Variants in COL4A4 observed in about 807,000 individuals in gnomAD.
COL4A4 encodes the protein collagen type IV alpha 4 chain.
Under a neutral mutation model 192.9 loss-of-function variants are expected in COL4A4, and 105 were observed. The ratio of observed to expected loss-of-function variants is 0.54; its 90% confidence interval spans 0.46 to 0.64. The LOEUF (loss-of-function observed/expected upper bound fraction) is 0.64. Ranked by LOEUF, COL4A4 falls within the 30% of genes least tolerant of loss-of-function variation. The pLI, the probability that COL4A4 is intolerant of heterozygous loss-of-function variation, is 0.00. For synonymous variants in COL4A4, 762 were observed against 769.9 expected (o/e 0.99, Z 0.17); for missense variants, 1,967 against 2,169.3 (o/e 0.91, Z 1.85).
chr2:227,119,811 A>T, intron 6 of COL4A4, 84 bp downstream of exon 6: 1 of 671,312 alleles, frequency 1.5e-6, no homozygotes, highest in Non-Finnish European at 2.3e-6. Context: ...TATATATTTT[A>T]TGTATATATA....
At chr2:227,024,923 T>C (rs1037212149) in intron 43 of COL4A4, among the ~76,000 whole-genome samples, 3 of 152,232 alleles carry the variant, frequency 2.0e-5, no homozygotes, top group East Asian at 1.9e-4. Flanking sequence ...ATTTAGAATT[T>C]TGATGCTCTC....
chr2:227,089,984 G>A (rs758442901), intron 20 of COL4A4, 27 bp from the exon 21 acceptor site: 69 of 1,569,172 alleles, frequency 4.4e-5, no homozygotes, highest in Non-Finnish European at 6.0e-5. Flanking sequence ...GGGGTGGGCA[G>A]AGAGAATCAC....
At chr2:227,107,267 G>A (rs966574984) in intron 12 of COL4A4, among the ~76,000 whole-genome samples, 2 of 152,106 alleles carry the variant, frequency 1.3e-5, no homozygotes, top group African/African-American at 2.4e-5. Flanking sequence ...ACAATTGGAG[G>A]GACGGGATGC....
chr2:227,052,455 C>A (rs769720196), intron 31 of COL4A4, 43 bp from the exon 32 acceptor site: 1 of 1,123,762 alleles, frequency 8.9e-7, no homozygotes, highest in East Asian at 2.3e-5. Context: ...ACAGGAACAT[C>A]ACACACATAA....
the COL4A4 span, among the ~76,000 whole-genome samples, chr2:226,990,987 C>CT: frequency 6.6e-6 from 1 of 152,214 alleles, no homozygotes; most frequent in Non-Finnish European, 1.5e-5. Flanking sequence ...CACTCCAGCT[C>CT]TGTCAGTCAC....
intron 40 of COL4A4, among the ~76,000 whole-genome samples, 188 bp downstream of exon 40, chr2:227,031,757 G>A (rs2149974889): frequency 6.6e-6 from 1 of 152,268 alleles, no homozygotes; most frequent in Non-Finnish European, 1.5e-5. Flanking sequence ...CCTGGTCCTG[G>A]ATATGGTCCT....
intron 41 of COL4A4, among the ~76,000 whole-genome samples, chr2:227,029,622 A>G (rs1967813060): frequency 6.6e-6 from 1 of 152,134 alleles, no homozygotes; most frequent in South Asian, 2.1e-4. Context: ...TGCTTTTCTG[A>G]TATCCAGCTT....
In COL4A4 at chr2:227,109,247, A is replaced by G; in HGVS notation, c.634T>C (p.Tyr212His). 6.2e-7 allele frequency: 1 copy of G among 1,614,174 alleles called. No homozygotes were observed. The highest frequency in any genetic ancestry group is 8.5e-7 in the Non-Finnish European group (1 of 1,179,992). The stretch of plus-strand genomic sequence containing the variant: ...ACCACTAACCCTGGCTCTCCAGGAT[A>G]TCCTGTGGGACCTGCCGGTCCTCCT... Reference protein sequence around the residue: ...GAGGPAGPTGYPGEPGLVGPP... With the variant: ...GAGGPAGPTGHPGEPGLVGPP... The change falls in exon 10 of 48, where the codon TAT becomes CAT. Residue 212 changes from tyrosine to histidine, a missense_variant. By Grantham distance (83) the Tyr-to-His change is moderately conservative. Coordinates refer to ENST00000396625, the MANE Select transcript of COL4A4 (RefSeq NM_000092.5).
chr2:227,022,218 G>A (rs1487222401), intron 43 of COL4A4, 45 bp from the exon 44 acceptor site: 1 of 1,612,858 alleles, frequency 6.2e-7, no homozygotes, highest in African/African-American at 1.3e-5. Context: ...ACGTGCTTAT[G>A]AACAAGCTCC....
chr2:227,101,809 T>C (rs2060539634), intron 16 of COL4A4, 56 bp downstream of exon 16: 1 of 1,347,170 alleles, frequency 7.4e-7, no homozygotes, highest in Non-Finnish European at 1.0e-6. Context: ...TGAATTATAC[T>C]AAATTGCATT....
intron 4 of COL4A4, among the ~76,000 whole-genome samples, chr2:227,136,713 T>C (rs2062836706): frequency 6.6e-6 from 1 of 152,204 alleles, no homozygotes; most frequent in Non-Finnish European, 1.5e-5. Context: ...GCTTTAGACA[T>C]AGCAGTTTTG....
Position 227,065,685 on chromosome 2 carries a change from TAACA to T in COL4A4, c.1988-3091_1988-3088del, listed in dbSNP as rs1259270129. Among the ~76,000 whole-genome samples, 3 of 150,768 alleles carry T rather than the reference TAACA, an allele frequency of 2.0e-5. No homozygotes were observed. In the East Asian group the frequency reaches 6.0e-4, roughly 30 times the overall value. On this transcript the variant is annotated intron_variant, in intron 25 of 47. Transcript: ENST00000396625. ...CTGAGGGTACTGTTAGAAGGAAAACTAACAAACAGAAAGGACATCTACACCAAAA... is the reference window on the plus strand; with the variant it reads ...CTGAGGGTACTGTTAGAAGGAAAACTAACAGAAAGGACATCTACACCAAAA...
intron 3 of COL4A4, among the ~76,000 whole-genome samples, chr2:227,143,740 A>G (rs1370603311): frequency 1.3e-5 from 2 of 152,214 alleles, no homozygotes; most frequent in African/African-American, 2.4e-5. Context: ...ATACTCTCAA[A>G]TGCATGTCAA....
At chr2:227,139,411 A>C (rs570592558) in intron 4 of COL4A4, among the ~76,000 whole-genome samples, 2 of 152,232 alleles carry the variant, frequency 1.3e-5, no homozygotes, top group Non-Finnish European at 2.9e-5. Context: ...GTTTGATCTA[A>C]TACTTTATCA....
chr2:227,055,628 G>C (rs888643944), intron 30 of COL4A4, among the ~76,000 whole-genome samples: 1 of 152,162 alleles, frequency 6.6e-6, no homozygotes, highest in East Asian at 1.9e-4. Flanking sequence ...CCTAACAGGG[G>C]GTAGGGATGA....
At chr2:227,099,565 C>A (rs1319544165) in intron 18 of COL4A4, 55 bp downstream of exon 18, 1 of 1,517,682 alleles carries the variant, frequency 6.6e-7, no homozygotes, top group African/African-American at 1.4e-5. Context: ...TCTGTCCTGG[C>A]CACTCAACTC....
intron 12 of COL4A4, among the ~76,000 whole-genome samples, chr2:227,107,901 GCA>G (rs2060950821): frequency 6.6e-6 from 1 of 151,856 alleles, no homozygotes; most frequent in Non-Finnish European, 1.5e-5. Context: ...GGGACTACAG[GCA>G]CGCACCACCA....
Position 227,006,546 on chromosome 2 carries a change from G to T in COL4A4, c.*779C>A, listed in dbSNP as rs1240235212. On this transcript the variant is annotated 3_prime_UTR_variant, in exon 48 of 48. Transcript: ENST00000396625. ...GCTTTTAGGCTCCTAATCTCTTATT[G>T]AATATTTTTTTTCCATAATTGCTAC... 8.6e-6 allele frequency: 1 copy of T among 115,696 alleles called. No individual in the cohort carries two copies. Among genetic ancestry groups the T allele is most frequent in the Non-Finnish European group, 1.8e-5 (1 of 56,772 alleles). The allele number at this position is 115,696 out of a possible 1,614,324, so 7.2% of individuals were successfully genotyped here.
chr2:227,143,991 G>T (rs1390460235), intron 3 of COL4A4, among the ~76,000 whole-genome samples: 1 of 152,214 alleles, frequency 6.6e-6, no homozygotes, highest in Non-Finnish European at 1.5e-5. Flanking sequence ...ATCCAAGGTG[G>T]AGAGTATGAA....
Sources: allele counts gnomAD v4.1 joint callset (sites outside exome capture counted in the v4.1 genomes callset), GRCh38; gene constraint gnomAD v4.1.1; transcripts MANE v1.5; gene names NCBI Gene and HGNC (gene_info 2026-07-23, HGNC 2026-07-21).